CABLES1: variants seen among roughly 807,000 people sequenced by gnomAD.
The protein encoded by CABLES1 is Cdk5 and Abl enzyme substrate 1, also known as CDK5 and ABL1 enzyme substrate 1.
Under a neutral mutation model 57.8 loss-of-function variants are expected in CABLES1, and 36 were observed. The observed-to-expected ratio is 0.62, with a 90% confidence interval of 0.48 to 0.82. CABLES1 has a LOEUF of 0.82. CABLES1 is among the 40% of genes least tolerant of loss of function. The pLI is 0.00. For synonymous variants in CABLES1, 374 were observed against 363.0 expected (o/e 1.03, Z -0.35); for missense variants, 767 against 836.6 (o/e 0.92, Z 1.03).
intron 3 of CABLES1, among the ~76,000 whole-genome samples, chr18:23,196,073 G>GA (rs1341080544): frequency 6.6e-6 from 1 of 152,200 alleles, no homozygotes; most frequent in Non-Finnish European, 1.5e-5. Flanking sequence ...GTTAGGTAGT[G>GA]AGAGGATACA....
At chr18:23,215,379 G>C (rs911023786) in intron 4 of CABLES1, among the ~76,000 whole-genome samples, 1 of 152,130 alleles carries the variant, frequency 6.6e-6, no homozygotes, top group Non-Finnish European at 1.5e-5. Context: ...GACCCCAGAG[G>C]CCAGTTAATT....
rs755776370 is a variant in CABLES1 at position 23,258,764 on chromosome 18, C to G, written c.*1397C>G. On this transcript the variant is annotated 3_prime_UTR_variant, in exon 10 of 10. Coordinates refer to ENST00000256925, the MANE Select transcript of CABLES1 (RefSeq NM_001100619.3). ...GAGGTCACAGATTCGGAGCTTCACA[C>G]ACCAGCCCAGAGAAAGGGCGATGGA... 6.6e-6 allele frequency: 1 copy of G among 152,244 alleles called. No homozygotes were observed. The highest frequency in any genetic ancestry group is 1.5e-5 in the Non-Finnish European group (1 of 68,058). 9.4% of individuals were successfully genotyped at this position (152,244 alleles called of 1,614,324 possible). A position where few individuals can be genotyped will look rare whatever the true frequency, so the allele number is the denominator to read the frequency against.
At chr18:23,236,440 TGA>T (rs1159593975) in intron 6 of CABLES1, among the ~76,000 whole-genome samples, 1 of 152,132 alleles carries the variant, frequency 6.6e-6, no homozygotes, top group Non-Finnish European at 1.5e-5. Context: ...GGTTCAGGTG[TGA>T]GAGTTTCCTT....
chr18:23,151,732 T>A (rs1426724829), intron 1 of CABLES1, among the ~76,000 whole-genome samples: 1 of 151,820 alleles, frequency 6.6e-6, no homozygotes, highest in East Asian at 1.9e-4. Flanking sequence ...TGAACTAAGG[T>A]CTAAGAGTGG....
intron 1 of CABLES1, among the ~76,000 whole-genome samples, chr18:23,167,616 A>C (rs1400870363): frequency 6.6e-6 from 1 of 152,190 alleles, no homozygotes; most frequent in East Asian, 1.9e-4. Flanking sequence ...ACCTAATATG[A>C]GTTACAGCCC....
rs1290687298 is a variant in CABLES1 at position 23,257,455 on chromosome 18, C to T, written c.*88C>T. On this transcript the variant is annotated 3_prime_UTR_variant, in exon 10 of 10. Coordinates refer to ENST00000256925, the MANE Select transcript of CABLES1 (RefSeq NM_001100619.3). ...CTACTGGAAATGAAAAAAAGTAGAACTCAGAATACCAGACTTTTCTTCCTC... is the reference window on the plus strand; with the variant it reads ...CTACTGGAAATGAAAAAAAGTAGAATTCAGAATACCAGACTTTTCTTCCTC... 1 of 1,376,594 alleles carries T rather than the reference C, an allele frequency of 7.3e-7. No homozygotes were observed. The highest frequency in any genetic ancestry group is 1.5e-5 in the African/African-American group (1 of 67,886). The allele number at this position is 1,376,594 out of a possible 1,614,324, so 85.3% of individuals were successfully genotyped here.
intron 7 of CABLES1, among the ~76,000 whole-genome samples, chr18:23,249,507 C>G (rs760129049): frequency 2.6e-5 from 4 of 152,346 alleles, no homozygotes; most frequent in Middle Eastern, 3.4e-3. Flanking sequence ...GCCCCACCCT[C>G]AGAGACTGTG....
At chr18:23,164,013 TGA>T (rs897923229) in intron 1 of CABLES1, among the ~76,000 whole-genome samples, 4 of 152,198 alleles carry the variant, frequency 2.6e-5, no homozygotes, top group Non-Finnish European at 5.9e-5. Flanking sequence ...ATCCCAGCAC[TGA>T]GAACTTATGT....
intron 1 of CABLES1, among the ~76,000 whole-genome samples, 157 bp downstream of exon 1, chr18:23,136,764 C>T (rs946902467): frequency 6.6e-6 from 1 of 152,214 alleles, no homozygotes; most frequent in Admixed American, 6.5e-5. Flanking sequence ...CACGAGGGCA[C>T]CCAAAAGAGG....
At chr18:23,178,917 A>T (rs73968814) in intron 1 of CABLES1, among the ~76,000 whole-genome samples, 144 of 152,240 alleles carry the variant, frequency 9.5e-4, no homozygotes, top group African/African-American at 3.3e-3. Flanking sequence ...CTGATTGGCA[A>T]CTCTAGTGTA....
At chr18:23,236,115 G>A in intron 6 of CABLES1, 64 bp downstream of exon 6, 1 of 1,544,040 alleles carries the variant, frequency 6.5e-7, no homozygotes, top group Non-Finnish European at 8.9e-7. Flanking sequence ...ATTTACATGG[G>A]GATTGAGTCT....
At chr18:23,177,877 G>A (rs976541019) in intron 1 of CABLES1, among the ~76,000 whole-genome samples, 1 of 152,176 alleles carries the variant, frequency 6.6e-6, no homozygotes, top group East Asian at 1.9e-4. Context: ...GGGACCAGGT[G>A]CTGCATTCCC....
intron 1 of CABLES1, among the ~76,000 whole-genome samples, chr18:23,150,860 T>A (rs1214622141): frequency 6.6e-6 from 1 of 151,662 alleles, no homozygotes; most frequent in Admixed American, 6.6e-5. Flanking sequence ...GCCGATGCAC[T>A]TGATCTGTTG....
At chr18:23,151,770 A>G (rs1439520224) in intron 1 of CABLES1, among the ~76,000 whole-genome samples, 1 of 152,190 alleles carries the variant, frequency 6.6e-6, no homozygotes, top group Non-Finnish European at 1.5e-5. Flanking sequence ...GACAAGGGCT[A>G]GAAGGATTGG....
intron 2 of CABLES1, among the ~76,000 whole-genome samples, 185 bp from the exon 3 acceptor site, chr18:23,194,263 A>G (rs1309512977): frequency 2.6e-5 from 4 of 151,948 alleles, no homozygotes; most frequent in Non-Finnish European, 5.9e-5. Flanking sequence ...GAAGTTGTCT[A>G]TTATTGGGCC....
intron 1 of CABLES1, among the ~76,000 whole-genome samples, chr18:23,143,382 A>G (rs753229070): frequency 3.9e-5 from 6 of 152,202 alleles, no homozygotes; most frequent in Admixed American, 2.0e-4. Flanking sequence ...GCATGGTACA[A>G]TTAGCAACAG....
chr18:23,191,081 A>C lies in CABLES1; in HGVS notation c.917+2172A>C, dbSNP rs568337599. The stretch of plus-strand genomic sequence containing the variant: ...CAATGTAGTGAGACCCCATCTCTAC[A>C]AAAAAAAAAAAAAAAAAAAATTAAC... On this transcript the variant is annotated intron_variant, in intron 2 of 9. Transcript: ENST00000256925. Among the ~76,000 whole-genome samples the C allele has an allele frequency of 1.4e-3, 122 of 88,680 alleles. 1 individual carries two copies. In the South Asian group the frequency reaches 0.037, roughly 27 times the overall value. The allele number at this position is 88,680 out of a possible 152,430, so 58.2% of individuals were successfully genotyped here. A position where few individuals can be genotyped will look rare whatever the true frequency, so the allele number is the denominator to read the frequency against.
chr18:23,243,872 C>CAA (rs34013091), intron 7 of CABLES1, among the ~76,000 whole-genome samples: 9 of 109,872 alleles, frequency 8.2e-5, no homozygotes, highest in Non-Finnish European at 8.5e-5. Context: ...GACTCCGTTT[C>CAA]AAAAAAAAAA....
At position 23,253,755 on chromosome 18, in the gene CABLES1, C is replaced by T. The variant is rs529533048; in HGVS notation, c.1580C>T (p.Ala527Val). The T allele has an allele frequency of 4.3e-6, 7 of 1,614,156 alleles. No individual in the cohort carries two copies. The highest frequency in any genetic ancestry group is 1.7e-4 in the Middle Eastern group (1 of 6,058). Residue 527 changes from alanine to valine, a missense_variant, in exon 9 of 10, where the codon GCG (alanine) becomes GTG (valine). This residue lies in a region of CABLES1 where 529 missense variants were observed against 622.8 expected (regional missense o/e 0.85). Coordinates refer to ENST00000256925, the MANE Select transcript of CABLES1 (RefSeq NM_001100619.3). ...CTGAAACGAGAGATGCGGAAGCTTG[C>T]GCAGGAGGACTGTGGCCTTGAGGAG... ...RSLKREMRKLAQEDCGLEEPT... is the reference protein window; with the variant it reads ...RSLKREMRKLVQEDCGLEEPT...
Sources: gnomAD v4.1 joint callset for allele counts (sites outside exome capture counted in the v4.1 genomes callset) on GRCh38, gnomAD v4.1.1 for gene constraint, gnomAD v4.1.1 regional missense constraint, MANE v1.5 for transcripts, NCBI Gene and HGNC (gene_info 2026-07-23, HGNC 2026-07-21) for gene names.